The following HS6ST3 variants were observed in gnomAD, a reference collection of about 807,000 sequenced individuals.
HS6ST3 encodes heparan-sulfate 6-O-sulfotransferase 3.
HS6ST3 carries 12 observed loss-of-function variants against 36.7 expected under a neutral mutation model. That is an observed-to-expected ratio of 0.33 (90% CI 0.21 to 0.53). The LOEUF is 0.53. Among genes scored for constraint, HS6ST3 ranks in the 20% least tolerant of loss-of-function variants. The pLI, the probability that HS6ST3 is intolerant of heterozygous loss-of-function variation, is 0.95. For synonymous variants in HS6ST3, 240 were observed against 257.5 expected, an observed-to-expected ratio of 0.93 and a Z score of 0.65; for missense variants, 584 against 640.9, an observed-to-expected ratio of 0.91 and a Z score of 0.96.
intron 1 of HS6ST3, among the ~76,000 whole-genome samples, chr13:96,516,015 CT>C (rs2056070944): frequency 6.6e-6 from 1 of 151,784 alleles, no homozygotes; most frequent in Non-Finnish European, 1.5e-5. Flanking sequence ...TTCTAGTACA[CT>C]CTATTGTTTG....
chr13:96,514,055 C>T (rs1008854547), intron 1 of HS6ST3, among the ~76,000 whole-genome samples: 3 of 151,838 alleles, frequency 2.0e-5, no homozygotes, highest in Admixed American at 6.6e-5. Context: ...GGCCTCAGTG[C>T]GATGAGAAGC....
intron 1 of HS6ST3, among the ~76,000 whole-genome samples, chr13:96,152,938 A>G (rs1158125149): frequency 6.6e-6 from 1 of 152,128 alleles, no homozygotes; most frequent in East Asian, 1.9e-4. Context: ...CTATATCCTT[A>G]GTTTAATGCA....
intron 1 of HS6ST3, among the ~76,000 whole-genome samples, chr13:96,172,015 A>G (rs1299979797): frequency 1.3e-5 from 2 of 152,214 alleles, no homozygotes; most frequent in Admixed American, 6.5e-5. Context: ...TGAGCCCTGC[A>G]CAACTTCACA....
intron 1 of HS6ST3, among the ~76,000 whole-genome samples, chr13:96,128,894 G>A (rs1454534759): frequency 6.7e-6 from 1 of 150,132 alleles, no homozygotes; most frequent in Non-Finnish European, 1.5e-5. Flanking sequence ...TTGCCAGACT[G>A]GAGTGCATTG....
At chr13:96,755,451 G>A (rs1268129426) in intron 1 of HS6ST3, among the ~76,000 whole-genome samples, 1 of 151,882 alleles carries the variant, frequency 6.6e-6, no homozygotes, top group Non-Finnish European at 1.5e-5. Context: ...TGCAACCTCC[G>A]CTTTCTGTGT....
At chr13:96,492,486 A>T (rs1312322055) in intron 1 of HS6ST3, among the ~76,000 whole-genome samples, 3 of 152,228 alleles carry the variant, frequency 2.0e-5, no homozygotes, top group Non-Finnish European at 4.4e-5. Context: ...AGTCCCCCTT[A>T]GTAATTTGAG....
At chr13:96,717,354 G>C (rs1284570431) in intron 1 of HS6ST3, among the ~76,000 whole-genome samples, 1 of 152,160 alleles carries the variant, frequency 6.6e-6, no homozygotes, top group Non-Finnish European at 1.5e-5. Context: ...TATACTCTTA[G>C]AGGGAATGGG....
intron 1 of HS6ST3, chr13:96,427,338 C>G (rs2055592257): frequency 6.5e-6 from 1 of 153,658 alleles, no homozygotes; most frequent in Admixed American, 6.5e-5. Flanking sequence ...TAGTACCTGT[C>G]AAATACTCAG....
At chr13:96,096,961 A>G (rs960688249) in intron 1 of HS6ST3, among the ~76,000 whole-genome samples, 3 of 152,200 alleles carry the variant, frequency 2.0e-5, no homozygotes, top group South Asian at 2.1e-4. Flanking sequence ...GTGTAAAACT[A>G]AAGAGATATG....
chr13:96,325,921 T>C (rs2055028526), intron 1 of HS6ST3, among the ~76,000 whole-genome samples: 1 of 152,176 alleles, frequency 6.6e-6, no homozygotes, highest in African/African-American at 2.4e-5. Context: ...TGGTAATATA[T>C]ACACAGAACT....
At chr13:96,274,825 G>C (rs1395325745) in intron 1 of HS6ST3, among the ~76,000 whole-genome samples, 1 of 140,254 alleles carries the variant, frequency 7.1e-6, no homozygotes, top group African/African-American at 2.7e-5. Flanking sequence ...TCAGTGATTA[G>C]CTAACTTAGT....
At chr13:96,443,076 G>C (rs1007133239) in intron 1 of HS6ST3, among the ~76,000 whole-genome samples, 10 of 151,892 alleles carry the variant, frequency 6.6e-5, no homozygotes, top group Admixed American at 4.6e-4. Context: ...TAAAATAGCA[G>C]ACTAAAATGT....
intron 1 of HS6ST3, among the ~76,000 whole-genome samples, chr13:96,205,255 C>T (rs1365234661): frequency 1.3e-5 from 2 of 152,088 alleles, no homozygotes; most frequent in African/African-American, 4.8e-5. Flanking sequence ...TGGACACATA[C>T]ACCCTTCCAA....
At chr13:96,625,862 A>G (rs1216649970) in intron 1 of HS6ST3, among the ~76,000 whole-genome samples, 2 of 147,942 alleles carry the variant, frequency 1.4e-5, no homozygotes, top group African/African-American at 5.0e-5. Context: ...TTTATTCGAG[A>G]CGGAGTCTTG....
At chr13:96,331,478 C>A (rs2055067060) in intron 1 of HS6ST3, among the ~76,000 whole-genome samples, 2 of 152,200 alleles carry the variant, frequency 1.3e-5, no homozygotes, top group African/African-American at 2.4e-5. Flanking sequence ...GGGATGCCTC[C>A]CAGTTAGGCT....
intron 1 of HS6ST3, among the ~76,000 whole-genome samples, chr13:96,542,742 C>T (rs531517986): frequency 2.4e-4 from 36 of 152,256 alleles, no homozygotes; most frequent in African/African-American, 8.2e-4. Context: ...CAAGTATGTC[C>T]TATGGGGAAG....
intron 1 of HS6ST3, among the ~76,000 whole-genome samples, chr13:96,575,605 C>T (rs1376069268): frequency 1.3e-5 from 2 of 152,254 alleles, no homozygotes; most frequent in African/African-American, 4.8e-5. Context: ...TGTAATTTCA[C>T]AAGGCAGATC....
chr13:96,192,292 CTTATT>C, intron 1 of HS6ST3, among the ~76,000 whole-genome samples: 1 of 152,146 alleles, frequency 6.6e-6, no homozygotes, highest in Non-Finnish European at 1.5e-5. Context: ...TTCTATTATA[CTTATT>C]TTACTTTATT....
intron 1 of HS6ST3, among the ~76,000 whole-genome samples, chr13:96,731,068 G>A (rs1162296198): frequency 1.3e-5 from 2 of 152,118 alleles, no homozygotes; most frequent in South Asian, 2.1e-4. Flanking sequence ...ACATTACCTC[G>A]CATAGTTATC....
Sources: gnomAD v4.1 joint callset for allele counts (sites outside exome capture counted in the v4.1 genomes callset) on GRCh38, gnomAD v4.1.1 for gene constraint, MANE v1.5 for transcripts, NCBI Gene and HGNC (gene_info 2026-07-23, HGNC 2026-07-21) for gene names.